STARD9: variants seen among roughly 807,000 people sequenced by gnomAD.
STARD9 encodes the protein stAR-related lipid transfer protein 9.
STARD9 carries 346 observed loss-of-function variants against 399.8 expected under a neutral mutation model. The observed-to-expected ratio is 0.87, with a 90% CI of 0.79 to 0.95. STARD9 has a LOEUF of 0.95. STARD9 is among the 40% of genes least tolerant of loss of function. The pLI, the probability that STARD9 is intolerant of heterozygous loss-of-function variation, is 0.00. For missense variants in STARD9, 5,832 were observed against 5,667.5 expected (o/e 1.03, Z -0.93); for synonymous variants, 2,203 against 2,143.5 (o/e 1.03, Z -0.77).
rs1345246689 is a variant in STARD9, at chr15:42,695,738, C to T, written c.13147-5C>T. On this transcript the variant is annotated splice_region_variant and splice_polypyrimidine_tract_variant and intron_variant, in intron 25 of 32. Transcript: ENST00000290607. ...AGCTGGTTAATGGTGATTTGTCCTT[C>T]CCAGGAAGAGGATAAACTACATACC... 3.9e-6 allele frequency: 6 copies of T among 1,536,438 alleles called. No individual in the cohort carries two copies. The highest frequency in any genetic ancestry group is 1.2e-5 in the South Asian group (1 of 83,962).
At chr15:42,622,885 G>A (rs1363226471) in intron 3 of STARD9, among the ~76,000 whole-genome samples, 1 of 152,140 alleles carries the variant, frequency 6.6e-6, no homozygotes, top group African/African-American at 2.4e-5. Flanking sequence ...GCCTTTATCT[G>A]GGGACATTAT....
intron 3 of STARD9, among the ~76,000 whole-genome samples, chr15:42,593,551 CA>C (rs1001334243): frequency 6.4e-5 from 9 of 139,632 alleles, no homozygotes; most frequent in Non-Finnish European, 3.1e-5. Flanking sequence ...ATTTCCAGAC[CA>C]AAAAAAAAAT....
Position 42,716,730 on chromosome 15 carries a change from A to C in STARD9, c.13338A>C (p.Gly4446=). ...SRDVWIGDER[G]GHSAVRKNSA... ...ATGTATGGATAGGGGATGAGCGAGG[A>C]GGCCATTCTGCAGTGAGGAAGAACT... Residue 4446 remains glycine, a synonymous_variant, in exon 27 of 33, where the codon GGA becomes GGC. Coordinates refer to ENST00000290607, the MANE Select transcript of STARD9 (RefSeq NM_020759.3). 2 of 1,537,040 alleles carry C rather than the reference A, an allele frequency of 1.3e-6. No individual in the cohort carries two copies. The highest frequency in any genetic ancestry group is 8.7e-7 in the Non-Finnish European group (1 of 1,146,748).
rs112697494 is a variant in STARD9, at chr15:42,643,080, A to T, written c.559+4268A>T. Among the ~76,000 whole-genome samples, 678 of 152,156 alleles carry T rather than the reference A, an allele frequency of 4.5e-3. 7 individuals are homozygous for T. Among genetic ancestry groups the T allele is most frequent in the African/African-American group, 0.015 (625 of 41,510 alleles). On this transcript the variant is annotated intron_variant, in intron 7 of 32. Transcript: ENST00000290607. ...TGGTATACTAATACATTTATAAAAT[A>T]AAATAAGGATGAATTACTAGAAAAA... is the stretch of plus-strand genomic sequence containing the variant.
intron 1 of STARD9, among the ~76,000 whole-genome samples, chr15:42,578,022 CCTA>C (rs1446056373): frequency 6.6e-6 from 1 of 152,132 alleles, no homozygotes; most frequent in Non-Finnish European, 1.5e-5. Flanking sequence ...ATTCATTAGA[CCTA>C]CTGCTCTTTC....
Position 42,612,990 on chromosome 15 carries a change from GA to G in STARD9, c.235-21846del, listed in dbSNP as rs60332578. ...CAGAGCGAGACTATGTCTCAGAGGG[GA>G]AAAAAAAAAAAAAAAAAAAGAGCAA... On this transcript the variant is annotated intron_variant, in intron 3 of 32. Transcript: ENST00000290607. 9.2e-3 allele frequency among the ~76,000 whole-genome samples: 1,097 copies of G among 119,272 alleles called. 17 individuals are homozygous for G. Among genetic ancestry groups the G allele is most frequent in the African/African-American group, 0.032 (988 of 30,488 alleles). The allele number at this position is 119,272 out of a possible 152,430, so 78.2% of individuals were successfully genotyped here.
intron 3 of STARD9, among the ~76,000 whole-genome samples, chr15:42,617,204 C>T (rs570361618): frequency 6.6e-6 from 1 of 152,194 alleles, no homozygotes; most frequent in South Asian, 2.1e-4. Context: ...ATTTTCATTC[C>T]TTTCACATAA....
intron 3 of STARD9, among the ~76,000 whole-genome samples, chr15:42,624,308 C>T (rs2059152853): frequency 6.6e-6 from 1 of 151,946 alleles, no homozygotes; most frequent in Non-Finnish European, 1.5e-5. Context: ...GTTGTCTAAG[C>T]ATAAACAGAA....
At chr15:42,662,930 C>G in intron 11 of STARD9, 39 bp downstream of exon 11, 2 of 1,348,690 alleles carry the variant, frequency 1.5e-6, no homozygotes, top group Middle Eastern at 1.8e-4. Context: ...AGGGAGAGTT[C>G]GGAAAATAAC....
chr15:42,575,809 A>C (rs2058040687), intron 1 of STARD9, 47 bp downstream of exon 1: 1 of 1,527,072 alleles, frequency 6.5e-7, no homozygotes. Context: ...AGGAGCTGAA[A>C]AGAGCGGGAG....
At position 42,720,247 on chromosome 15, in the gene STARD9, C is replaced by T. The variant is rs1041820180; in HGVS notation, c.*673C>T. 12 of 152,290 alleles carry T rather than the reference C, an allele frequency of 7.9e-5. No individual in the cohort carries two copies. The highest frequency in any genetic ancestry group is 2.7e-4 in the African/African-American group (11 of 41,452). The allele number at this position is 152,290 out of a possible 1,614,324, so 9.4% of individuals were successfully genotyped here. On this transcript the variant is annotated 3_prime_UTR_variant, in exon 33 of 33. Transcript: ENST00000290607. The stretch of plus-strand genomic sequence containing the variant: ...TGAGCGATGATGCTCTGATATGGAG[C>T]TGTCACTCTAGAGCTCGGTCAGATG...
chr15:42,686,987 A>G lies in STARD9; in HGVS notation c.5409A>G (p.Gln1803=). 1 of 1,536,750 alleles carries G rather than the reference A, an allele frequency of 6.5e-7. No homozygotes were observed. Among genetic ancestry groups the G allele is most frequent in the Non-Finnish European group, 8.7e-7 (1 of 1,146,764 alleles). The change falls in exon 23 of 33, where the codon CAA becomes CAG. Residue 1803 remains glutamine (Q), a synonymous_variant. Coordinates refer to ENST00000290607, the MANE Select transcript of STARD9 (RefSeq NM_020759.3). The part of the protein sequence containing the change: ...YLKNNLPVLL[Q]NQNSKIASSQ... ...AGAATAATTTGCCAGTGCTGTTACA[A>G]AACCAGAATTCTAAGATTGCCTCAT...
chr15:42,587,149 C>A (rs538753048), intron 3 of STARD9, among the ~76,000 whole-genome samples: 1 of 152,102 alleles, frequency 6.6e-6, no homozygotes, highest in Non-Finnish European at 1.5e-5. Flanking sequence ...AGTAACTGCA[C>A]CCAGCTATAA....
intron 3 of STARD9, among the ~76,000 whole-genome samples, chr15:42,591,999 G>A (rs1354250668): frequency 6.6e-6 from 1 of 152,186 alleles, no homozygotes; most frequent in Non-Finnish European, 1.5e-5. Context: ...ATTCAAGACT[G>A]TTTAACTCTA....
rs116333487 is a variant in STARD9, at chr15:42,685,641, G to A, written c.4063G>A (p.Gly1355Ser). ...CCCCAGCAGCCCCCCAGGAATAGTGGGTTCTTTATGTCCAAGTCCTGATAT... is the reference window on the plus strand; with the variant it reads ...CCCCAGCAGCCCCCCAGGAATAGTGAGTTCTTTATGTCCAAGTCCTGATAT... ...INPSSPPGIV[G>S]SLCPSPDMQE... The change falls in exon 23 of 33, where the codon GGT (glycine) becomes AGT (serine). Residue 1355 changes from glycine (G) to serine (S), a missense_variant. Gly to Ser is a moderately conservative substitution (Grantham distance 56). Coordinates refer to ENST00000290607, the MANE Select transcript of STARD9 (RefSeq NM_020759.3). 1 of 1,537,150 alleles carries A rather than the reference G, an allele frequency of 6.5e-7. No homozygotes were observed. Among genetic ancestry groups the A allele is most frequent in the Non-Finnish European group, 8.7e-7 (1 of 1,146,928 alleles).
At chr15:42,670,999 G>A (rs2060192202) in intron 16 of STARD9, 1 of 152,136 alleles carries the variant, frequency 6.6e-6, no homozygotes, top group Non-Finnish European at 1.5e-5. Flanking sequence ...GATGTAGAGT[G>A]AATAGATGAA....
chr15:42,624,501 G>A (rs1460062099), intron 3 of STARD9, among the ~76,000 whole-genome samples: 1 of 144,508 alleles, frequency 6.9e-6, no homozygotes, highest in Admixed American at 6.7e-5. Context: ...TGTTAAGAAT[G>A]TATTATCTCT....
intron 26 of STARD9, among the ~76,000 whole-genome samples, chr15:42,707,529 G>T (rs1246040306): frequency 1.3e-5 from 2 of 150,758 alleles, no homozygotes; most frequent in African/African-American, 2.4e-5. Context: ...GAGTGCAGTG[G>T]CACGATCTCG....
chr15:42,664,955 A>G (rs1257112395), intron 13 of STARD9, among the ~76,000 whole-genome samples: 3 of 152,110 alleles, frequency 2.0e-5, no homozygotes, highest in African/African-American at 7.2e-5. Context: ...CTCTAGGGAA[A>G]TGATTCTCAA....
Sources: gnomAD v4.1 joint callset for allele counts (sites outside exome capture counted in the v4.1 genomes callset) on GRCh38, gnomAD v4.1.1 for gene constraint, MANE v1.5 for transcripts, NCBI Gene and HGNC (gene_info 2026-07-23, HGNC 2026-07-21) for gene names.